The following COL1A2 variants were observed in gnomAD, a reference collection of about 807,000 sequenced individuals.
COL1A2 encodes the protein collagen alpha-2(I) chain.
COL1A2 carries 49 observed loss-of-function variants against 174.3 expected under a neutral mutation model. That is an observed-to-expected ratio of 0.28 (90% CI 0.22 to 0.36). The LOEUF (loss-of-function observed/expected upper bound fraction) is 0.36, where lower values mean the gene tolerates loss of function less well. Among genes scored for constraint, COL1A2 ranks in the 10% least tolerant of loss-of-function variants. The pLI, the probability that COL1A2 is intolerant of heterozygous loss-of-function variation, is 1.00. For synonymous variants in COL1A2, 655 were observed against 606.6 expected (o/e 1.08, Z -1.17); for missense variants, 1,438 against 1,822.7 (o/e 0.79, Z 3.84).
chr7:94,405,034 A>G, intron 9 of COL1A2, 142 bp downstream of exon 9: 1 of 1,146,508 alleles, frequency 8.7e-7, no homozygotes, highest in Non-Finnish European at 1.3e-6. Context: ...TATTATTTTA[A>G]TGAAATATTA....
chr7:94,410,933 T>C lies in COL1A2; in HGVS notation c.1242T>C (p.Ala414=). ...GTCTTCCTGGAGCTGATGGCAGAGC[T>C]GGCGTCATGGTAAGCTGTCTATCAC... ...SRGLPGADGR[A]GVMGPPGSRG... is the part of the protein sequence containing the mutation. The change falls in exon 22 of 52, where the codon GCT becomes GCC. Residue 414 remains alanine, a synonymous_variant. Coordinates refer to ENST00000297268, the MANE Select transcript of COL1A2 (RefSeq NM_000089.4). 6.2e-7 allele frequency: 1 copy of C among 1,614,074 alleles called. No homozygotes were observed. The highest frequency in any genetic ancestry group is 8.5e-7 in the Non-Finnish European group (1 of 1,180,016).
Position 94,426,546 on chromosome 7 carries a change from C to T in COL1A2, c.3105+16C>T, listed in dbSNP as rs1473769757. On this transcript the variant is annotated intron_variant, in intron 46 of 51. Transcript: ENST00000297268. ...TGGTATCGCTGTAAGTAAACTGTAG[C>T]CATCTCGCACATAAACTGATCCTGA... 3.8e-6 allele frequency: 6 copies of T among 1,570,092 alleles called. No individual in the cohort carries two copies. The highest frequency in any genetic ancestry group is 1.3e-5 in the African/African-American group (1 of 74,414).
chr7:94,421,569 A>G (rs1276367409), intron 38 of COL1A2, among the ~76,000 whole-genome samples: 4 of 152,244 alleles, frequency 2.6e-5, no homozygotes, highest in Non-Finnish European at 4.4e-5. Context: ...TTATTAATGT[A>G]TACACATTAA....
chr7:94,423,966 T>G, intron 40 of COL1A2: 1 of 246,190 alleles, frequency 4.1e-6, no homozygotes, highest in Non-Finnish European at 8.0e-6. Context: ...ATTTTTAGTT[T>G]TTTGAGGAAC....
At chr7:94,430,115 C>G in intron 51 of COL1A2, 132 bp from the exon 52 acceptor site, 4 of 908,114 alleles carry the variant, frequency 4.4e-6, no homozygotes, top group Non-Finnish European at 7.0e-6. Context: ...CAAGGATGAA[C>G]TTATTTATCT....
intron 6 of COL1A2, among the ~76,000 whole-genome samples, chr7:94,403,146 A>G (rs142099724): frequency 5.5e-4 from 84 of 152,280 alleles, no homozygotes; most frequent in Admixed American, 1.1e-3. Flanking sequence ...GTCATTTTTA[A>G]AAAGCCCACT....
Position 94,420,277 on chromosome 7 carries a change from G to C in COL1A2, c.2124G>C (p.Arg708=). The part of the protein sequence containing the change: ...AAGPAGPAGP[R]GSPGERGEVG... ...GTCCTGCTGGTCCTGCTGGTCCTCGGGGAAGCCCTGTAAGTAAGAACCTGG... is the reference window on the plus strand; with the variant it reads ...GTCCTGCTGGTCCTGCTGGTCCTCGCGGAAGCCCTGTAAGTAAGAACCTGG... The change falls in exon 35 of 52, where the codon CGG becomes CGC. Residue 708 remains arginine (R), a synonymous_variant. Transcript: ENST00000297268. 6.2e-7 allele frequency: 1 copy of C among 1,613,830 alleles called. No individual in the cohort carries two copies. Among genetic ancestry groups the C allele is most frequent in the Non-Finnish European group, 8.5e-7 (1 of 1,179,976 alleles).
intron 12 of COL1A2, among the ~76,000 whole-genome samples, chr7:94,407,503 A>G (rs1375951514): frequency 1.3e-5 from 2 of 152,214 alleles, no homozygotes; most frequent in Non-Finnish European, 2.9e-5. Flanking sequence ...AAAAGGATAA[A>G]TATGGTTACA....
chr7:94,430,383 G>C lies in COL1A2; in HGVS notation c.4091G>C (p.Cys1364Ser). Reference protein sequence around the residue: ...QEFFVDIGPVCFK With the variant: ...QEFFVDIGPVSFK ...TTCTTTGTGGACATTGGCCCAGTCT[G>C]TTTCAAATAAATGAACTCAATCTAA... The change falls in exon 52 of 52, where the codon TGT becomes TCT. Residue 1364 changes from cysteine (C) to serine (S), a missense_variant. Coordinates refer to ENST00000297268, the MANE Select transcript of COL1A2 (RefSeq NM_000089.4). The C allele has an allele frequency of 6.2e-7, 1 of 1,613,928 alleles. No homozygotes were observed. Among genetic ancestry groups the C allele is most frequent in the Non-Finnish European group, 8.5e-7 (1 of 1,179,932 alleles).
chr7:94,407,900 T>C lies in COL1A2; in HGVS notation c.639+9T>C. The C allele has an allele frequency of 6.2e-7, 1 of 1,612,070 alleles. No individual in the cohort carries two copies. Among genetic ancestry groups the C allele is most frequent in the African/African-American group, 1.3e-5 (1 of 75,022 alleles). Reference sequence around the variant, plus strand: ...GAACTCCAGGTCAAACAGTAAGTATTGACTACTTCATTGTAAATTTAAATG... The same window carrying C: ...GAACTCCAGGTCAAACAGTAAGTATCGACTACTTCATTGTAAATTTAAATG... On this transcript the variant is annotated intron_variant, in intron 13 of 51. Coordinates refer to ENST00000297268, the MANE Select transcript of COL1A2 (RefSeq NM_000089.4).
chr7:94,401,130 AG>A (rs1294545953), intron 5 of COL1A2, among the ~76,000 whole-genome samples: 11 of 152,314 alleles, frequency 7.2e-5, no homozygotes, highest in African/African-American at 2.4e-4. Flanking sequence ...AGCAAGAAAA[AG>A]ATCTCTTAGT....
At chr7:94,423,682 C>T in intron 40 of COL1A2, 1 of 163,680 alleles carries the variant, frequency 6.1e-6, no homozygotes, top group South Asian at 1.6e-4. Flanking sequence ...GCGACTTCCG[C>T]CTCCCCAGTT....
At chr7:94,421,574 C>T (rs1792164794) in intron 38 of COL1A2, among the ~76,000 whole-genome samples, 1 of 152,186 alleles carries the variant, frequency 6.6e-6, no homozygotes, top group African/African-American at 2.4e-5. Flanking sequence ...AATGTATACA[C>T]ATTAATGTGT....
intron 29 of COL1A2, among the ~76,000 whole-genome samples, chr7:94,414,677 T>C (rs907890780): frequency 6.6e-6 from 1 of 152,232 alleles, no homozygotes. Context: ...ATGACACTAC[T>C]ATACACAATC....
At position 94,406,283 on chromosome 7, in the gene COL1A2, C is replaced by G. The variant is rs146853345; in HGVS notation, c.574C>G (p.Pro192Ala). 7 of 1,613,940 alleles carry G rather than the reference C, an allele frequency of 4.3e-6. No individual in the cohort carries two copies. The highest frequency in any genetic ancestry group is 5.9e-6 in the Non-Finnish European group (7 of 1,179,852). The change falls in exon 12 of 52, where the codon CCC becomes GCC. Residue 192 changes from proline (P) to alanine (A), a missense_variant. Pro to Ala is a conservative substitution (Grantham distance 27). Around this residue, in one of 3 missense-constraint regions of COL1A2, gnomAD observed 281 missense variants for 310.9 expected, o/e 0.90. Transcript: ENST00000297268. The stretch of plus-strand genomic sequence containing the variant: ...TGGTCTGGATGGATTGAAGGGACAG[C>G]CCGGTGCTCCTGGTGTGAAGGTAAA... ...HNGLDGLKGQ[P>A]GAPGVKGEPG... is the part of the protein sequence containing the mutation.
At chr7:94,424,652 G>A (rs1159504218) in intron 41 of COL1A2, 2 of 567,480 alleles carry the variant, frequency 3.5e-6, no homozygotes, top group African/African-American at 3.8e-5. Context: ...TTAAAATTAT[G>A]CAGAATGATT....
In COL1A2 at chr7:94,416,472, C is replaced by T. The variant is rs2115917159; in HGVS notation, c.1832C>T (p.Pro611Leu). 1.3e-6 allele frequency: 2 copies of T among 1,582,094 alleles called. No individual in the cohort carries two copies. The highest frequency in any genetic ancestry group is 4.6e-5 in the East Asian group (2 of 43,466). The change falls in exon 31 of 52, where the codon CCT (proline) becomes CTT (leucine). Residue 611 changes from proline (P) to leucine (L), a missense_variant. By Grantham distance (98) the Pro-to-Leu change is moderately conservative (BLOSUM62 -3). Transcript: ENST00000297268. ...GPTGPIGSRG[P>L]SGPPGPDGNK... is the part of the protein sequence containing the mutation. Reference sequence around the variant, plus strand: ...ACTGGTCCTATTGGAAGCCGAGGTCCTTCTGGACCCCCAGGGCCTGATGGA... The same window carrying T: ...ACTGGTCCTATTGGAAGCCGAGGTCTTTCTGGACCCCCAGGGCCTGATGGA...
At chr7:94,400,582 C>A (rs555249729) in intron 5 of COL1A2, among the ~76,000 whole-genome samples, 1 of 152,186 alleles carries the variant, frequency 6.6e-6, no homozygotes, top group East Asian at 1.9e-4. Context: ...AGAGGTGTTG[C>A]ATTATTAAGG....
rs553758143 is a variant in COL1A2, at chr7:94,427,039, C to T, written c.3137C>T (p.Ser1046Phe). The change falls in exon 47 of 52, where the codon TCC becomes TTC. Residue 1046 changes from serine (S) to phenylalanine (F), a missense_variant. Around this residue, in one of 3 missense-constraint regions of COL1A2, gnomAD observed 867 missense variants for 1,213.7 expected, o/e 0.71. Coordinates refer to ENST00000297268, the MANE Select transcript of COL1A2 (RefSeq NM_000089.4). ...CATGGTGATCAAGGTGCTCCTGGCT[C>T]CGTGGGTCCTGCTGGTCCTAGGGTA... ...GHHGDQGAPG[S>F]VGPAGPRGPA... 1 of 1,614,044 alleles carries T rather than the reference C, an allele frequency of 6.2e-7. No homozygotes were observed. The highest frequency in any genetic ancestry group is 1.3e-5 in the African/African-American group (1 of 75,006).
Sources: gnomAD v4.1 joint callset for allele counts (sites outside exome capture counted in the v4.1 genomes callset) on GRCh38, gnomAD v4.1.1 for gene constraint, gnomAD v4.1.1 regional missense constraint, MANE v1.5 for transcripts, NCBI Gene and HGNC (gene_info 2026-07-23, HGNC 2026-07-21) for gene names.